The following SH3RF3 variants were observed in gnomAD, a reference collection of about 807,000 sequenced individuals.
SH3RF3 encodes SH3 domain containing ring finger 3, also known as E3 ubiquitin-protein ligase SH3RF3.
SH3RF3 carries 29 observed loss-of-function variants against 66.3 expected under a neutral mutation model. That is an observed-to-expected ratio of 0.44 (90% CI 0.33 to 0.60). SH3RF3 has a LOEUF of 0.60. SH3RF3 is among the 20% of genes least tolerant of loss of function. The pLI is 0.04. For synonymous variants in SH3RF3, 583 were observed against 532.0 expected (o/e 1.10, Z -1.32); for missense variants, 1,194 against 1,190.9 (o/e 1.00, Z -0.04).
intron 1 of SH3RF3, among the ~76,000 whole-genome samples, chr2:109,334,782 CTG>C (rs1682371001): frequency 2.5e-5 from 1 of 40,548 alleles, no homozygotes; most frequent in African/African-American, 2.7e-4. Context: ...GTTCCTGCCT[CTG>C]TTTTTCTCTC....
At chr2:109,145,440 G>A (rs1054099027) in intron 1 of SH3RF3, among the ~76,000 whole-genome samples, 2 of 152,086 alleles carry the variant, frequency 1.3e-5, no homozygotes, top group African/African-American at 2.4e-5. Flanking sequence ...ATGGAAGACC[G>A]GTCGCCTTCA....
intron 1 of SH3RF3, among the ~76,000 whole-genome samples, chr2:109,182,340 T>G (rs1291281396): frequency 1.3e-5 from 2 of 152,174 alleles, no homozygotes; most frequent in Non-Finnish European, 2.9e-5. Context: ...ACTAGCCCAC[T>G]CCCATGACAA....
intron 2 of SH3RF3, among the ~76,000 whole-genome samples, chr2:109,356,610 G>A (rs116956636): frequency 6.6e-6 from 1 of 152,170 alleles, no homozygotes; most frequent in African/African-American, 2.4e-5. Flanking sequence ...CCATCCCAGG[G>A]CTTGGCACTT....
chr2:109,145,107 T>C (rs971508374), intron 1 of SH3RF3, among the ~76,000 whole-genome samples: 2 of 152,276 alleles, frequency 1.3e-5, no homozygotes, highest in African/African-American at 4.8e-5. Flanking sequence ...CTCTGAGTCT[T>C]CCCTCACCGG....
intron 5 of SH3RF3, among the ~76,000 whole-genome samples, chr2:109,422,801 G>A (rs528942033): frequency 3.3e-5 from 5 of 152,274 alleles, no homozygotes; most frequent in Non-Finnish European, 7.3e-5. Flanking sequence ...CCACTTCTTC[G>A]TGGGCATCTT....
intron 1 of SH3RF3, among the ~76,000 whole-genome samples, chr2:109,272,866 C>T (rs72939516): frequency 0.013 from 1,974 of 152,286 alleles, 34 homozygotes; most frequent in African/African-American, 0.045. Context: ...TGTCGGCAAA[C>T]GTTCTCTAAC....
At chr2:109,423,816 A>C (rs768965014) in intron 5 of SH3RF3, among the ~76,000 whole-genome samples, 10 of 152,208 alleles carry the variant, frequency 6.6e-5, no homozygotes, top group Non-Finnish European at 1.5e-4. Flanking sequence ...AGTGAGCCTG[A>C]GAACCAGTGG....
rs543957245 is a variant in SH3RF3 at position 109,437,887 on chromosome 2, C to T, written c.1828+741C>T. Among the ~76,000 whole-genome samples, 7 of 152,260 alleles carry T rather than the reference C, an allele frequency of 4.6e-5. No individual in the cohort carries two copies. The East Asian group carries it at 9.7e-4, about 21-fold the overall frequency. ...CAGGATGATCTGGGAGCCCATGCCA[C>T]GGCGTCTTCCACCACGGTGGAGCCA... On this transcript the variant is annotated intron_variant, in intron 7 of 9. Coordinates refer to ENST00000309415, the MANE Select transcript of SH3RF3 (RefSeq NM_001099289.3).
At chr2:109,149,078 T>G (rs1214256056) in intron 1 of SH3RF3, among the ~76,000 whole-genome samples, 2 of 152,150 alleles carry the variant, frequency 1.3e-5, no homozygotes. Context: ...TTCAATTGAG[T>G]GCCTCATGCA....
At chr2:109,256,387 G>A (rs534683996) in intron 1 of SH3RF3, among the ~76,000 whole-genome samples, 68 of 152,298 alleles carry the variant, frequency 4.5e-4, no homozygotes, top group African/African-American at 1.6e-3. Flanking sequence ...GGATATGAGC[G>A]GCAATGCGAT....
chr2:109,271,456 C>T (rs1680624422), intron 1 of SH3RF3, among the ~76,000 whole-genome samples: 1 of 152,214 alleles, frequency 6.6e-6, no homozygotes, highest in African/African-American at 2.4e-5. Flanking sequence ...TGGATACAGA[C>T]CATATTGCTG....
chr2:109,253,612 G>C (rs560193754), intron 1 of SH3RF3, among the ~76,000 whole-genome samples: 1 of 152,068 alleles, frequency 6.6e-6, no homozygotes, highest in Non-Finnish European at 1.5e-5. Flanking sequence ...ACAGTCTTTC[G>C]GTTTAGCCTG....
intron 1 of SH3RF3, among the ~76,000 whole-genome samples, chr2:109,239,180 T>G (rs1679720929): frequency 6.6e-6 from 1 of 152,132 alleles, no homozygotes; most frequent in Non-Finnish European, 1.5e-5. Context: ...CTTTCTTCCC[T>G]GGGTGTGAGC....
At chr2:109,140,488 C>T (rs1574470248) in intron 1 of SH3RF3, among the ~76,000 whole-genome samples, 1 of 152,162 alleles carries the variant, frequency 6.6e-6, no homozygotes, top group African/African-American at 2.4e-5. Flanking sequence ...TCACACCATT[C>T]TCCTGTCTCA....
In SH3RF3 at chr2:109,480,280, A is replaced by T. The variant is rs1039841270; in HGVS notation, c.2149-10325A>T. Among the ~76,000 whole-genome samples, 12 of 152,174 alleles carry T rather than the reference A, an allele frequency of 7.9e-5. No individual in the cohort carries two copies. In the East Asian group the frequency reaches 1.9e-3, roughly 24 times the overall value. ...GCATCTCCCAGGTGCCCAGCACTTG[A>T]GCCCCATGTTTGATCCCCACAGCCA... On this transcript the variant is annotated intron_variant, in intron 8 of 9. Coordinates refer to ENST00000309415, the MANE Select transcript of SH3RF3 (RefSeq NM_001099289.3).
At chr2:109,244,780 C>T (rs960736984) in intron 1 of SH3RF3, among the ~76,000 whole-genome samples, 2 of 152,202 alleles carry the variant, frequency 1.3e-5, no homozygotes, top group Non-Finnish European at 2.9e-5. Flanking sequence ...GCCTGTGGCC[C>T]AGGGCAGGTG....
At chr2:109,183,351 T>C (rs79793246) in intron 1 of SH3RF3, among the ~76,000 whole-genome samples, 3,155 of 152,292 alleles carry the variant, frequency 0.021, 104 homozygotes, top group African/African-American at 0.07. Context: ...GGTGAGAGTC[T>C]ACACAGGGAA....
At chr2:109,430,095 G>A (rs568307684) in intron 5 of SH3RF3, among the ~76,000 whole-genome samples, 1 of 152,270 alleles carries the variant, frequency 6.6e-6, no homozygotes, top group East Asian at 1.9e-4. Flanking sequence ...AGCCTGCCTT[G>A]GCAGCTGATG....
intron 1 of SH3RF3, among the ~76,000 whole-genome samples, chr2:109,278,042 T>A (rs966874957): frequency 6.8e-6 from 1 of 147,614 alleles, no homozygotes; most frequent in Non-Finnish European, 1.5e-5. Context: ...CCAGGCATAG[T>A]GTCATGCACC....
Sources: allele counts gnomAD v4.1 joint callset (sites outside exome capture counted in the v4.1 genomes callset), GRCh38; gene constraint gnomAD v4.1.1; transcripts MANE v1.5; gene names NCBI Gene and HGNC (gene_info 2026-07-23, HGNC 2026-07-21).